HACD3: variants seen among roughly 807,000 people sequenced by gnomAD.
The protein encoded by HACD3 is very-long-chain (3R)-3-hydroxyacyl-CoA dehydratase 3.
Under a neutral mutation model 55.2 loss-of-function variants are expected in HACD3, and 30 were observed. The observed-to-expected ratio is 0.54, with a 90% CI of 0.41 to 0.74. HACD3 has a LOEUF of 0.74. Ranked by LOEUF, HACD3 falls within the 30% of genes least tolerant of loss-of-function variation. The pLI is 0.00. For missense variants in HACD3, 363 were observed against 440.1 expected (o/e 0.82, Z 1.57); for synonymous variants, 141 against 151.7 (o/e 0.93, Z 0.52).
chr15:65,541,458 A>T (rs2072018161), intron 1 of HACD3, among the ~76,000 whole-genome samples: 1 of 152,224 alleles, frequency 6.6e-6, no homozygotes. Flanking sequence ...CCAGTGAGGG[A>T]AAACACACAT....
At chr15:65,571,824 C>T (rs1596220043) in intron 9 of HACD3, among the ~76,000 whole-genome samples, 170 bp downstream of exon 9, 2 of 152,180 alleles carry the variant, frequency 1.3e-5, no homozygotes, top group Admixed American at 6.5e-5. Context: ...CCAGACTGTT[C>T]GAGAAAAGTA....
At chr15:65,560,930 C>G (rs1205522281) in intron 5 of HACD3, among the ~76,000 whole-genome samples, 1 of 152,140 alleles carries the variant, frequency 6.6e-6, no homozygotes, top group African/African-American at 2.4e-5. Context: ...TTGTTACTCC[C>G]CACCTGGTAT....
chr15:65,532,613 CAA>C (rs1327999520), intron 1 of HACD3, among the ~76,000 whole-genome samples: 3 of 111,194 alleles, frequency 2.7e-5, no homozygotes, highest in Non-Finnish European at 5.5e-5. Context: ...GCCTGGGCAA[CAA>C]GAGTGAAACT....
chr15:65,569,247 C>CAAAA (rs71447850), intron 7 of HACD3, among the ~76,000 whole-genome samples: 5 of 125,248 alleles, frequency 4.0e-5, no homozygotes, highest in African/African-American at 1.1e-4. Flanking sequence ...GACTCTGTCT[C>CAAAA]AAAAAAAAAA....
intron 2 of HACD3, 47 bp downstream of exon 2, chr15:65,551,765 G>C: frequency 1.9e-6 from 3 of 1,598,514 alleles, no homozygotes; most frequent in Non-Finnish European, 2.6e-6. Context: ...AGTTAAGGAG[G>C]TGTGGTGGTG....
chr15:65,543,256 C>G (rs1041022911), intron 1 of HACD3, among the ~76,000 whole-genome samples: 1 of 152,030 alleles, frequency 6.6e-6, no homozygotes, highest in Non-Finnish European at 1.5e-5. Context: ...AACCTTCCCC[C>G]CTTTTAGTGG....
intron 7 of HACD3, chr15:65,564,839 C>T (rs2072276810): frequency 6.5e-6 from 1 of 153,192 alleles, no homozygotes; most frequent in Admixed American, 6.5e-5. Flanking sequence ...AACAGTCCCC[C>T]AAAGTCTTAT....
intron 1 of HACD3, among the ~76,000 whole-genome samples, chr15:65,547,025 G>A (rs1596208156): frequency 1.3e-5 from 2 of 152,214 alleles, no homozygotes; most frequent in Middle Eastern, 3.4e-3. Flanking sequence ...CTGTGAGGGG[G>A]TATATTTGAG....
At chr15:65,552,370 C>T (rs929123060) in intron 2 of HACD3, among the ~76,000 whole-genome samples, 2 of 152,146 alleles carry the variant, frequency 1.3e-5, no homozygotes, top group African/African-American at 2.4e-5. Flanking sequence ...GAGTCTTGCT[C>T]TGTCACCCAG....
At chr15:65,551,610 C>T (rs1391433015) in intron 1 of HACD3, 66 bp from the exon 2 acceptor site, 30 of 1,577,404 alleles carry the variant, frequency 1.9e-5, no homozygotes, top group Non-Finnish European at 2.4e-5. Context: ...GGAAGAAGCC[C>T]CTTGTTTAAT....
intron 10 of HACD3, among the ~76,000 whole-genome samples, chr15:65,572,927 A>ATAAAT (rs1244879999): frequency 7.2e-6 from 1 of 139,346 alleles, no homozygotes; most frequent in African/African-American, 2.8e-5. Flanking sequence ...AAAAAAAAAA[A>ATAAAT]AAATAAATAA....
intron 7 of HACD3, among the ~76,000 whole-genome samples, chr15:65,568,416 T>G (rs1260633242): frequency 1.3e-5 from 2 of 151,880 alleles, no homozygotes; most frequent in Non-Finnish European, 2.9e-5. Flanking sequence ...TGGAGTGCAG[T>G]GGTGTGACCT....
intron 8 of HACD3, 87 bp downstream of exon 8, chr15:65,570,290 G>C: frequency 1.0e-6 from 1 of 988,476 alleles, no homozygotes; most frequent in Non-Finnish European, 1.5e-6. Context: ...CTTAGCCAGA[G>C]TCTCATTTGG....
chr15:65,532,501 T>C (rs1040956744), intron 1 of HACD3, among the ~76,000 whole-genome samples: 1 of 152,038 alleles, frequency 6.6e-6, no homozygotes, highest in Non-Finnish European at 1.5e-5. Flanking sequence ...GGTGCATGCG[T>C]GTAATTCACT....
Position 65,549,362 on chromosome 15 carries a change from C to T in HACD3, c.88-2314C>T, listed in dbSNP as rs1019402945. 6.5e-5 allele frequency among the ~76,000 whole-genome samples: 9 copies of T among 139,074 alleles called. No individual in the cohort carries two copies. The East Asian group carries it at 1.3e-3, about 19-fold the overall frequency. 91.2% of individuals were successfully genotyped at this position (139,074 alleles called of 152,430 possible). A position where few individuals can be genotyped will look rare whatever the true frequency, so the allele number is the denominator to read the frequency against. ...CAGCACTTTGGGAGGCCGAGGTGGG[C>T]GGATCACAATGTCAGGAGTTTGAGA... is the stretch of plus-strand genomic sequence containing the variant. On this transcript the variant is annotated intron_variant, in intron 1 of 10. Coordinates refer to ENST00000261875, the MANE Select transcript of HACD3 (RefSeq NM_016395.4).
intron 2 of HACD3, among the ~76,000 whole-genome samples, chr15:65,554,649 C>G (rs1188378257): frequency 1.3e-5 from 2 of 152,138 alleles, no homozygotes; most frequent in African/African-American, 2.4e-5. Flanking sequence ...GTGGCGGGAG[C>G]CTGTAGTCCC....
chr15:65,576,285 A>G lies in HACD3; in HGVS notation c.1013-18A>G. ...AGACAAAGACTCTAATTTCTAATTG[A>G]CCTCTTTTCTTTTTCAGGTTTATAC... is the stretch of plus-strand genomic sequence containing the variant. On this transcript the variant is annotated intron_variant, in intron 10 of 10. Coordinates refer to ENST00000261875, the MANE Select transcript of HACD3 (RefSeq NM_016395.4). The G allele has an allele frequency of 1.3e-6, 2 of 1,579,186 alleles. No homozygotes were observed. The highest frequency in any genetic ancestry group is 1.7e-6 in the Non-Finnish European group (2 of 1,162,592).
chr15:65,543,685 C>G (rs1191581587), intron 1 of HACD3, among the ~76,000 whole-genome samples: 1 of 152,116 alleles, frequency 6.6e-6, no homozygotes, highest in Non-Finnish European at 1.5e-5. Flanking sequence ...ACCAAAGAAA[C>G]TATGCCTCCT....
intron 2 of HACD3, chr15:65,553,317 C>T (rs1396317186): frequency 6.6e-6 from 1 of 151,976 alleles, no homozygotes; most frequent in East Asian, 1.9e-4. Flanking sequence ...GTTTGAGAAA[C>T]ACTACACTCT....
Sources: gnomAD v4.1 joint callset for allele counts (sites outside exome capture counted in the v4.1 genomes callset) on GRCh38, gnomAD v4.1.1 for gene constraint, MANE v1.5 for transcripts, NCBI Gene and HGNC (gene_info 2026-07-23, HGNC 2026-07-21) for gene names.